Variants in CPNE8 observed in about 807,000 individuals in gnomAD.
The protein encoded by CPNE8 is copine-8.
In CPNE8, 45 loss-of-function variants were observed where a neutral mutation model predicts 81.5. The observed-to-expected ratio is 0.55, with a 90% CI of 0.44 to 0.71. The LOEUF (loss-of-function observed/expected upper bound fraction) is 0.71, where lower values mean the gene tolerates loss of function less well. Ranked by LOEUF, CPNE8 falls within the 30% of genes least tolerant of loss-of-function variation. The pLI is 0.00. For synonymous variants in CPNE8, 252 were observed against 226.3 expected, an observed-to-expected ratio of 1.11 and a Z score of -1.02; for missense variants, 594 against 672.1, an observed-to-expected ratio of 0.88 and a Z score of 1.28.
chr12:38,792,033 A>G (rs1375980129), intron 6 of CPNE8, among the ~76,000 whole-genome samples: 1 of 151,118 alleles, frequency 6.6e-6, no homozygotes, highest in East Asian at 1.9e-4. Context: ...AACTTGAGAC[A>G]AATGAAAATA....
rs962108420 is a variant in CPNE8, at chr12:38,656,768, C to T, written c.1507-2698G>A. Reference sequence around the variant, plus strand: ...AATTGAAGCGGGGAGCTCTCAGCAACGTGGAAAGGAACTGGCCAGCAACTT... The same window carrying T: ...AATTGAAGCGGGGAGCTCTCAGCAATGTGGAAAGGAACTGGCCAGCAACTT... On this transcript the variant is annotated intron_variant, in intron 19 of 19. Transcript: ENST00000331366. 5.3e-5 allele frequency among the ~76,000 whole-genome samples: 8 copies of T among 152,132 alleles called. No individual in the cohort carries two copies. In the South Asian group the frequency reaches 8.3e-4, roughly 16 times the overall value.
intron 6 of CPNE8, among the ~76,000 whole-genome samples, chr12:38,825,004 T>A (rs1000778890): frequency 1.3e-5 from 2 of 152,182 alleles, no homozygotes; most frequent in Non-Finnish European, 2.9e-5. Flanking sequence ...GTTAAAGATA[T>A]CTGGTCAGGG....
At chr12:38,711,314 G>A (rs1326529385) in intron 13 of CPNE8, among the ~76,000 whole-genome samples, 1 of 152,164 alleles carries the variant, frequency 6.6e-6, no homozygotes, top group Non-Finnish European at 1.5e-5. Context: ...GGCAAGATTA[G>A]TGCTAGTCCT....
chr12:38,898,335 C>T (rs991472687), intron 1 of CPNE8, among the ~76,000 whole-genome samples: 1 of 152,110 alleles, frequency 6.6e-6, no homozygotes, highest in African/African-American at 2.4e-5. Flanking sequence ...CAGGGCAACT[C>T]TCACATTAAG....
intron 13 of CPNE8, among the ~76,000 whole-genome samples, chr12:38,717,458 T>TATATATATAC (rs1339046227): frequency 4.3e-5 from 6 of 138,734 alleles, no homozygotes; most frequent in African/African-American, 1.3e-4. Flanking sequence ...TATATATATA[T>TATATATATAC]ACACCATGGA....
chr12:38,684,232 A>G (rs536841712), intron 16 of CPNE8, among the ~76,000 whole-genome samples: 1 of 152,246 alleles, frequency 6.6e-6, no homozygotes, highest in Admixed American at 6.5e-5. Flanking sequence ...ATAAGCTAGG[A>G]TATGTTTTTC....
intron 10 of CPNE8, among the ~76,000 whole-genome samples, chr12:38,732,459 T>G (rs1389194848): frequency 1.3e-5 from 2 of 151,960 alleles, no homozygotes; most frequent in African/African-American, 4.8e-5. Flanking sequence ...TTGTTCTAGT[T>G]AAATTTGTAA....
chr12:38,694,885 T>A (rs1166339545), intron 14 of CPNE8, among the ~76,000 whole-genome samples: 2 of 152,110 alleles, frequency 1.3e-5, no homozygotes, highest in Non-Finnish European at 2.9e-5. Flanking sequence ...AAAAAGCACT[T>A]GAGATCCAGA....
chr12:38,665,716 C>G (rs1184498808), intron 19 of CPNE8, among the ~76,000 whole-genome samples: 1 of 152,158 alleles, frequency 6.6e-6, no homozygotes, highest in Non-Finnish European at 1.5e-5. Context: ...CGGAATGGCA[C>G]TGCCTTATAC....
At chr12:38,844,637 A>G (rs1045385906) in intron 4 of CPNE8, among the ~76,000 whole-genome samples, 5 of 152,144 alleles carry the variant, frequency 3.3e-5, no homozygotes, top group Non-Finnish European at 7.4e-5. Context: ...TCGGTTAACT[A>G]TTATAGTACT....
intron 3 of CPNE8, among the ~76,000 whole-genome samples, chr12:38,851,196 T>C (rs913116944): frequency 2.0e-5 from 3 of 152,212 alleles, no homozygotes. Flanking sequence ...CAGACCAGGA[T>C]AATTTATTTG....
At chr12:38,849,960 C>T (rs1943620041) in intron 3 of CPNE8, among the ~76,000 whole-genome samples, 1 of 152,096 alleles carries the variant, frequency 6.6e-6, no homozygotes, top group Non-Finnish European at 1.5e-5. Context: ...ACTTTGGCTA[C>T]AAAATCTGCA....
chr12:38,791,812 C>T (rs544392325), intron 6 of CPNE8, among the ~76,000 whole-genome samples: 7 of 151,404 alleles, frequency 4.6e-5, no homozygotes, highest in Non-Finnish European at 1.0e-4. Context: ...GAAACTATCT[C>T]CAGGACAGAC....
intron 12 of CPNE8, 71 bp from the exon 13 acceptor site, chr12:38,723,904 G>A (rs1940633706): frequency 2.3e-6 from 2 of 851,098 alleles, no homozygotes; most frequent in African/African-American, 1.7e-5. Context: ...AATTATTAGA[G>A]AGAAAATCAT....
chr12:38,712,268 C>A (rs1016145411), intron 13 of CPNE8, among the ~76,000 whole-genome samples: 9 of 149,030 alleles, frequency 6.0e-5, no homozygotes, highest in Admixed American at 2.0e-4. Context: ...GCAGTGGCAT[C>A]ATCATGGCTC....
chr12:38,722,038 C>T (rs1592037915), intron 13 of CPNE8, among the ~76,000 whole-genome samples: 1 of 152,224 alleles, frequency 6.6e-6, no homozygotes, highest in South Asian at 2.1e-4. Flanking sequence ...GCCTGCTAGG[C>T]CAAGCGGATG....
At chr12:38,690,071 G>C (rs527848345) in intron 15 of CPNE8, among the ~76,000 whole-genome samples, 2 of 152,178 alleles carry the variant, frequency 1.3e-5, no homozygotes, top group Non-Finnish European at 2.9e-5. Flanking sequence ...TTATACACTG[G>C]GGGTAATTTA....
At chr12:38,661,186 T>C (rs1409298973) in intron 19 of CPNE8, among the ~76,000 whole-genome samples, 6 of 152,092 alleles carry the variant, frequency 3.9e-5, no homozygotes, top group Non-Finnish European at 8.8e-5. Context: ...CTATTCACAA[T>C]AGCAAAGACT....
chr12:38,724,364 GAT>G (rs35199698), intron 12 of CPNE8, among the ~76,000 whole-genome samples: 85,744 of 125,120 alleles, frequency 0.69, 24,637 homozygotes, highest in East Asian at 0.84. Context: ...GGATGATATT[GAT>G]TTTTTTTATA....
Sources: gnomAD v4.1 joint callset for allele counts (sites outside exome capture counted in the v4.1 genomes callset) on GRCh38, gnomAD v4.1.1 for gene constraint, MANE v1.5 for transcripts, NCBI Gene and HGNC (gene_info 2026-07-23, HGNC 2026-07-21) for gene names.